HUWE1: variants seen among roughly 807,000 people sequenced by gnomAD.
The protein encoded by HUWE1 is HECT, UBA and WWE domain containing E3 ubiquitin protein ligase 1.
Under a neutral mutation model 299.4 loss-of-function variants are expected in HUWE1, and 18 were observed. The ratio of observed to expected loss-of-function variants is 0.06; its 90% CI spans 0.04 to 0.09. The LOEUF is 0.09. HUWE1 is among the 10% of genes least tolerant of loss of function. The pLI, the probability that HUWE1 is intolerant of heterozygous loss-of-function variation, is 1.00. For missense variants in HUWE1, 1,832 were observed against 3,462.3 expected, an observed-to-expected ratio of 0.53 and a Z score of 11.82; for synonymous variants, 1,317 against 1,286.1, an observed-to-expected ratio of 1.02 and a Z score of -0.51.
intron 56 of HUWE1, 82 bp from the exon 57 acceptor site, chrX:53,559,614 C>A: frequency 1.2e-6 from 1 of 809,350 alleles, no homozygotes; most frequent in Non-Finnish European, 1.8e-6. Context: ...CCTCTTCATG[C>A]ATCCTCTATT....
chrX:53,669,508 C>A (rs1034331597), intron 3 of HUWE1, among the ~76,000 whole-genome samples: 2 of 112,207 alleles, frequency 1.8e-5, no homozygotes, highest in Non-Finnish European at 3.8e-5. Context: ...AATGGAAGTA[C>A]AATAACTAAG....
intron 73 of HUWE1, chrX:53,542,844 G>GTT: frequency 4.4e-6 from 1 of 227,918 alleles, no homozygotes; most frequent in South Asian, 5.1e-5. Flanking sequence ...GTCTTCTTCT[G>GTT]TTGTGTGTGT....
intron 25 of HUWE1, among the ~76,000 whole-genome samples, chrX:53,606,720 C>T (rs1318173989): frequency 5.4e-5 from 6 of 111,433 alleles, no homozygotes; most frequent in Admixed American, 9.5e-5. Context: ...TGAAAAAAGC[C>T]GGTCGCACAT....
chrX:53,592,453 T>C lies in HUWE1; in HGVS notation c.3917A>G (p.Gln1306Arg). Residue 1306 changes from glutamine (Q) to arginine (R), a missense_variant, in exon 33 of 84, where the codon CAA (glutamine) becomes CGA (arginine). Physicochemically the swap from Gln to Arg is conservative, Grantham distance 43. Coordinates refer to ENST00000262854, the MANE Select transcript of HUWE1 (RefSeq NM_031407.7). The stretch of plus-strand genomic sequence containing the variant: ...TTCCCGGCGGGAGCCACCTTCCTCT[T>C]GCCCTGTATCCTCTTCTCCTCGAGA... The part of the protein sequence containing the change: ...EGSRGEEDTG[Q>R]EEGGSRREPQ... 2 of 1,211,234 alleles carry C rather than the reference T, an allele frequency of 1.7e-6. No individual in the cohort carries two copies. Among genetic ancestry groups the C allele is most frequent in the Non-Finnish European group, 2.2e-6 (2 of 895,333 alleles).
chrX:53,573,761 G>A lies in HUWE1; in HGVS notation c.6301C>T (p.Leu2101=). 1 of 1,204,910 alleles carries A rather than the reference G, an allele frequency of 8.3e-7. No individual in the cohort carries two copies. The highest frequency in any genetic ancestry group is 1.8e-5 in the South Asian group (1 of 56,866). ...GTTGGAAATATTACCTCTTTGATCAGTTCAGACTGGCCCACAGTGTAGCTG... is the reference window on the plus strand; with the variant it reads ...GTTGGAAATATTACCTCTTTGATCAATTCAGACTGGCCCACAGTGTAGCTG... ...NYSYTVGQSE[L]IKEDCSVLAF... is the part of the protein sequence containing the mutation. The change falls in exon 47 of 84, where the codon CTG becomes TTG. Residue 2101 remains leucine (L), a synonymous_variant. Transcript: ENST00000262854.
intron 55 of HUWE1, 128 bp downstream of exon 55, chrX:53,561,628 C>A (rs1490844422): frequency 2.1e-6 from 2 of 958,766 alleles, no homozygotes; most frequent in Non-Finnish European, 2.9e-6. Context: ...ATATCCCTTG[C>A]CCCAGGAAGT....
intron 70 of HUWE1, 148 bp from the exon 71 acceptor site, chrX:53,545,309 CT>C (rs1259546105): frequency 1.8e-6 from 1 of 570,481 alleles, no homozygotes; most frequent in Admixed American, 2.8e-5. Flanking sequence ...CTCTGTTCAG[CT>C]TATTATGCGT....
chrX:53,585,751 G>A (rs782369203), intron 39 of HUWE1, among the ~76,000 whole-genome samples: 2 of 111,736 alleles, frequency 1.8e-5, no homozygotes, highest in South Asian at 3.8e-4. Context: ...ACGCGATGCC[G>A]GCTCGGTTCA....
rs1423758983 is a variant in HUWE1, at chrX:53,686,285, T to C, written c.-178A>G. 8.8e-6 allele frequency: 1 copy of C among 113,157 alleles called. No homozygotes were observed. Among genetic ancestry groups the C allele is most frequent in the Non-Finnish European group, 1.9e-5 (1 of 53,279 alleles). 9.3% of individuals were successfully genotyped at this position (113,157 alleles called of 1,213,427 possible). On this transcript the variant is annotated 5_prime_UTR_variant, in exon 2 of 84. Transcript: ENST00000262854. Reference sequence around the variant, plus strand: ...ATGCCGGTACCTCGCATCCCCTCTGTCAGCCGCTCTCTCGCCGCGCCGCCG... The same window carrying C: ...ATGCCGGTACCTCGCATCCCCTCTGCCAGCCGCTCTCTCGCCGCGCCGCCG...
rs781869391 is a variant in HUWE1, at chrX:53,560,233, T to C, written c.7691A>G (p.His2564Arg). 2 of 1,206,202 alleles carry C rather than the reference T, an allele frequency of 1.7e-6. No homozygotes were observed. ...GTTGGGCTGGCGATTCCCAGGGTAG[T>C]GAACATGAATGGTGTGGCCAGTATT... Reference protein sequence around the residue: ...TANTGHTIHVHYPGNRQPNPP... With the variant: ...TANTGHTIHVRYPGNRQPNPP... The change falls in exon 56 of 84, where the codon CAC becomes CGC. Residue 2564 changes from histidine to arginine, a missense_variant. Physicochemically the swap from His to Arg is conservative, Grantham distance 29 (BLOSUM62 0). Coordinates refer to ENST00000262854, the MANE Select transcript of HUWE1 (RefSeq NM_031407.7).
Position 53,537,721 on chromosome X carries a change from G to A in HUWE1, c.11997-25C>T, listed in dbSNP as rs201683854. 13 of 1,199,497 alleles carry A rather than the reference G, an allele frequency of 1.1e-5. No homozygotes were observed. The Admixed American group carries it at 2.5e-4, about 23-fold the overall frequency. ...TCTTGGGAGGTAGAAAAGGAAGGAAGATAGGATTAAGGGTGGCAGAACAAA... is the reference window on the plus strand; with the variant it reads ...TCTTGGGAGGTAGAAAAGGAAGGAAAATAGGATTAAGGGTGGCAGAACAAA... On this transcript the variant is annotated intron_variant, in intron 77 of 83. Coordinates refer to ENST00000262854, the MANE Select transcript of HUWE1 (RefSeq NM_031407.7).
chrX:53,656,759 TAA>T (rs1427915488), intron 3 of HUWE1, among the ~76,000 whole-genome samples: 1 of 110,360 alleles, frequency 9.1e-6, no homozygotes, highest in South Asian at 3.7e-4. Flanking sequence ...TGGAAAAAAA[TAA>T]AAGAGGGAGG....
At chrX:53,666,991 C>T (rs1388408130) in intron 3 of HUWE1, among the ~76,000 whole-genome samples, 1 of 111,704 alleles carries the variant, frequency 9.0e-6, no homozygotes, top group Non-Finnish European at 1.9e-5. Context: ...TTCCATTCAA[C>T]AATTATAAAC....
Position 53,591,081 on chromosome X carries a change from T to G in HUWE1, c.4014A>C (p.Ala1338=). 1.7e-6 allele frequency: 2 copies of G among 1,209,617 alleles called. No homozygotes were observed. Among genetic ancestry groups the G allele is most frequent in the Non-Finnish European group, 2.2e-6 (2 of 894,032 alleles). Residue 1338 remains alanine, a synonymous_variant, in exon 34 of 84, where the codon GCA becomes GCC. Transcript: ENST00000262854. ...MGFTREHAME[A]LLNTSTMEQA... ...GCTCCATGGTGCTGGTGTTCAACAG[T>G]GCCTCCATTGCATGTTCCCTTGTGA...
intron 7 of HUWE1, among the ~76,000 whole-genome samples, chrX:53,635,079 A>G (rs2067120369): frequency 9.0e-6 from 1 of 110,707 alleles, no homozygotes; most frequent in South Asian, 3.7e-4. Flanking sequence ...TCCCTGCCTC[A>G]TGGGGCAAGG....
chrX:53,594,672 G>A (rs782756419), intron 30 of HUWE1, 51 bp from the exon 31 acceptor site: 1 of 1,163,750 alleles, frequency 8.6e-7, no homozygotes, highest in South Asian at 1.8e-5. Context: ...AGCAGAGACA[G>A]AAGCAATAGG....
intron 6 of HUWE1, among the ~76,000 whole-genome samples, chrX:53,645,739 ATAT>A (rs2067975631): frequency 2.2e-3 from 44 of 19,923 alleles, no homozygotes; most frequent in African/African-American, 6.7e-3. Flanking sequence ...AAAAAAAAAT[ATAT>A]ATATATATAT....
At chrX:53,636,522 G>C (rs1272538355) in intron 7 of HUWE1, among the ~76,000 whole-genome samples, 1 of 112,038 alleles carries the variant, frequency 8.9e-6, no homozygotes, top group African/African-American at 3.2e-5. Context: ...TCAGGAGTTC[G>C]ACACCAGCTT....
Position 53,544,873 on chromosome X carries a change from A to G in HUWE1, c.11049-111T>C, listed in dbSNP as rs782182044. The G allele has an allele frequency of 1.9e-4, 169 of 908,737 alleles. 1 individual carries two copies. In the South Asian group the frequency reaches 3.1e-3, roughly 17 times the overall value. The allele number at this position is 908,737 out of a possible 1,213,427, so 74.9% of individuals were successfully genotyped here. A position where few individuals can be genotyped will look rare whatever the true frequency, so the allele number is the denominator to read the frequency against. The stretch of plus-strand genomic sequence containing the variant: ...GAGGGGTAAGGAAACTCAGAAGGAA[A>G]TCTTCCAAGTAGGAAGTAGAAAAAA... On this transcript the variant is annotated intron_variant, in intron 71 of 83. Transcript: ENST00000262854.
Sources: gnomAD v4.1 joint callset for allele counts (sites outside exome capture counted in the v4.1 genomes callset) on GRCh38, gnomAD v4.1.1 for gene constraint, MANE v1.5 for transcripts, NCBI Gene and HGNC (gene_info 2026-07-23, HGNC 2026-07-21) for gene names.